RNF150: variants seen among roughly 807,000 people sequenced by gnomAD.
The protein encoded by RNF150 is ring finger protein 150.
A neutral mutation model predicts 39.3 loss-of-function variants in RNF150; 24 were observed. The observed-to-expected ratio is 0.61, with a 90% CI of 0.44 to 0.86. The LOEUF is 0.86. RNF150 is among the 40% of genes least tolerant of loss of function. The pLI is 0.00. For missense variants in RNF150, 502 were observed against 587.8 expected, an observed-to-expected ratio of 0.85 and a Z score of 1.51; for synonymous variants, 255 against 227.3, an observed-to-expected ratio of 1.12 and a Z score of -1.10.
intron 6 of RNF150, among the ~76,000 whole-genome samples, chr4:140,900,178 A>G (rs1730138480): frequency 6.6e-6 from 1 of 152,190 alleles, no homozygotes; most frequent in Non-Finnish European, 1.5e-5. Flanking sequence ...AAGACCTAGA[A>G]ATCTGAAATT....
At position 141,003,878 on chromosome 4, in the gene RNF150, C is replaced by T. The variant is rs75322079; in HGVS notation, c.485-36005G>A. Among the ~76,000 whole-genome samples the T allele has an allele frequency of 6.8e-3, 1,034 of 152,230 alleles. 11 individuals are homozygous for T. Among genetic ancestry groups the T allele is most frequent in the African/African-American group, 0.023 (951 of 41,538 alleles). ...TGAGTGAGTCTTTGACTTGGACCAT[C>T]TGAATAGTACCAGCAGCTAAGATTT... On this transcript the variant is annotated intron_variant, in intron 1 of 6. Transcript: ENST00000515673.
At chr4:141,086,512 T>G (rs147163328) in intron 1 of RNF150, among the ~76,000 whole-genome samples, 16 of 152,238 alleles carry the variant, frequency 1.1e-4, no homozygotes, top group African/African-American at 3.4e-4. Context: ...GTAGAGGGTA[T>G]GTACAAAAGC....
intron 1 of RNF150, among the ~76,000 whole-genome samples, chr4:141,022,565 C>T (rs1008675297): frequency 2.6e-5 from 4 of 152,144 alleles, no homozygotes; most frequent in African/African-American, 9.7e-5. Flanking sequence ...AGTGACCAAG[C>T]AAGTTAAAAA....
At chr4:140,881,117 A>G (rs576860232) in intron 6 of RNF150, among the ~76,000 whole-genome samples, 1 of 145,258 alleles carries the variant, frequency 6.9e-6, no homozygotes, top group Admixed American at 6.8e-5. Context: ...GTTCTTTGAG[A>G]TCTTTCTTTT....
In RNF150 at chr4:141,132,722, C is replaced by T. The variant is rs765839270; in HGVS notation, c.87G>A (p.Leu29=). ...CCTCCTTCTCGGCCACGGTAAAGTCCAGGCAGAGCAGATGCACGAAACAAA... is the reference window on the plus strand; with the variant it reads ...CCTCCTTCTCGGCCACGGTAAAGTCTAGGCAGAGCAGATGCACGAAACAAA... The part of the protein sequence containing the change: ...LSFCFVHLLC[L]DFTVAEKEEW... Residue 29 remains leucine, a synonymous_variant, in exon 1 of 7, where the codon CTG becomes CTA. Coordinates refer to ENST00000515673, the MANE Select transcript of RNF150 (RefSeq NM_020724.2). The surrounding 1 kb of genome is among the most constrained non-coding windows in gnomAD (Gnocchi z 4.9). 1 of 1,610,304 alleles carries T rather than the reference C, an allele frequency of 6.2e-7. No homozygotes were observed. Among genetic ancestry groups the T allele is most frequent in the African/African-American group, 1.3e-5 (1 of 74,480 alleles).
intron 6 of RNF150, among the ~76,000 whole-genome samples, chr4:140,905,641 A>G (rs2059496): frequency 0.7 from 106,385 of 151,988 alleles, 38,762 homozygotes; most frequent in Non-Finnish European, 0.8. Flanking sequence ...GGGTGGAGAA[A>G]GGCACCTCCC....
At chr4:141,121,519 A>T (rs888566850) in intron 1 of RNF150, among the ~76,000 whole-genome samples, 4 of 152,184 alleles carry the variant, frequency 2.6e-5, no homozygotes, top group African/African-American at 9.6e-5. Flanking sequence ...AATAATCAAC[A>T]TTTAGCATAT....
chr4:141,000,086 G>GAAAA lies in RNF150; in HGVS notation c.485-32214_485-32213insTTTT, dbSNP rs1219238276. Among the ~76,000 whole-genome samples, 4 of 60,724 alleles carry GAAAA rather than the reference G, an allele frequency of 6.6e-5. 1 individual carries two copies. The highest frequency in any genetic ancestry group is 7.3e-5 in the Non-Finnish European group (2 of 27,362). The allele number at this position is 60,724 out of a possible 152,430, so 39.8% of individuals were successfully genotyped here. A position where few individuals can be genotyped will look rare whatever the true frequency, so the allele number is the denominator to read the frequency against. On this transcript the variant is annotated intron_variant, in intron 1 of 6. Transcript: ENST00000515673. The stretch of plus-strand genomic sequence containing the variant: ...AGAAGAAGAAGAAGAAGAAGAAGAA[G>GAAAA]GAGAAGAAGAAGAAGAAGAAGAGGA...
chr4:141,061,124 A>G (rs914171404), intron 1 of RNF150, among the ~76,000 whole-genome samples: 1 of 152,108 alleles, frequency 6.6e-6, no homozygotes, highest in Non-Finnish European at 1.5e-5. Context: ...CTACCCCAGA[A>G]GTTAAAGTAT....
At chr4:140,989,210 T>A (rs1221765497) in intron 1 of RNF150, among the ~76,000 whole-genome samples, 1 of 152,020 alleles carries the variant, frequency 6.6e-6, no homozygotes, top group African/African-American at 2.4e-5. Context: ...GTCTGGCACA[T>A]CCCTGTTGGA....
chr4:140,957,331 C>T lies in RNF150; in HGVS notation c.736-7959G>A, dbSNP rs1460039604. On this transcript the variant is annotated intron_variant, in intron 2 of 6. Coordinates refer to ENST00000515673, the MANE Select transcript of RNF150 (RefSeq NM_020724.2). ...ACCATCACTGGCCATCAGAGAAATGCAAATCAAAACCACAATGAGATACCA... is the reference window on the plus strand; with the variant it reads ...ACCATCACTGGCCATCAGAGAAATGTAAATCAAAACCACAATGAGATACCA... Among the ~76,000 whole-genome samples, 4 of 151,986 alleles carry T rather than the reference C, an allele frequency of 2.6e-5. No individual in the cohort carries two copies. The East Asian group carries it at 7.7e-4, about 29-fold the overall frequency.
chr4:141,176,699 A>C (rs1727820602), intron 1 of RNF150, among the ~76,000 whole-genome samples: 1 of 152,234 alleles, frequency 6.6e-6, no homozygotes, highest in Non-Finnish European at 1.5e-5. Context: ...TTATGTCACC[A>C]GCTCAAAGCT....
rs756549238 is a variant in RNF150, at chr4:140,926,001, G to A, written c.963C>T (p.Asn321=). Residue 321 remains asparagine, a synonymous_variant, in exon 5 of 7, where the codon AAC becomes AAT. Transcript: ENST00000515673. ...DHRTCPMCKM[N]ILKALGIPPN... is the part of the protein sequence containing the mutation. ...CCGGGATCCCTAGGGCTTTAAGAAT[G>A]TTCATCTTGCACATGGGACAGGTAC... The A allele has an allele frequency of 2.4e-5, 39 of 1,613,338 alleles. No individual in the cohort carries two copies. In the South Asian group the frequency reaches 4.1e-4, roughly 17 times the overall value.
intron 1 of RNF150, among the ~76,000 whole-genome samples, chr4:141,089,863 T>C (rs151027848): frequency 1.1e-4 from 17 of 152,232 alleles, no homozygotes; most frequent in African/African-American, 3.1e-4. Context: ...CAACATGTCA[T>C]AGAGTTCTGC....
chr4:141,124,247 G>T (rs1014123975), intron 1 of RNF150, among the ~76,000 whole-genome samples: 12 of 152,184 alleles, frequency 7.9e-5, no homozygotes, highest in Admixed American at 7.9e-4. Flanking sequence ...ACTTTCTGAT[G>T]CCAGGGCTCT....
intron 1 of RNF150, among the ~76,000 whole-genome samples, chr4:141,178,283 C>T (rs980855466): frequency 6.6e-6 from 1 of 151,984 alleles, no homozygotes; most frequent in Admixed American, 6.6e-5. Context: ...CACACACATG[C>T]TATTTTCTCT....
intron 1 of RNF150, among the ~76,000 whole-genome samples, chr4:141,058,012 A>G (rs1737057208): frequency 6.6e-6 from 1 of 152,206 alleles, no homozygotes; most frequent in Non-Finnish European, 1.5e-5. Flanking sequence ...GGGTGCTATG[A>G]ACTCCCAGAT....
chr4:141,196,636 T>C (rs1728205573), intron 1 of RNF150, among the ~76,000 whole-genome samples: 1 of 152,210 alleles, frequency 6.6e-6, no homozygotes, highest in Non-Finnish European at 1.5e-5. Context: ...TTACAATGCA[T>C]AAAACTATCA....
intron 1 of RNF150, among the ~76,000 whole-genome samples, chr4:141,100,844 T>G (rs1738982498): frequency 6.6e-6 from 1 of 152,248 alleles, no homozygotes; most frequent in Non-Finnish European, 1.5e-5. Context: ...AGCATGTTAC[T>G]GTTTTGAATA....
Sources: allele counts gnomAD v4.1 joint callset (sites outside exome capture counted in the v4.1 genomes callset), GRCh38; gene constraint gnomAD v4.1.1; non-coding constraint Gnocchi (gnomAD v3.1); transcripts MANE v1.5; gene names NCBI Gene and HGNC (gene_info 2026-07-23, HGNC 2026-07-21).